STMP1: variants seen among roughly 807,000 people sequenced by gnomAD.
STMP1 encodes mitolamban.
Under a neutral mutation model 7.0 loss-of-function variants are expected in STMP1, and 7 were observed. The observed-to-expected ratio is 1.01, with a 90% CI of 0.57 to 1.89. STMP1 has a LOEUF of 1.89. STMP1 is among the 40% of genes most tolerant of loss of function. STMP1 has a pLI of 0.00. For synonymous variants in STMP1, 19 were observed against 18.4 expected, an observed-to-expected ratio of 1.03 and a Z score of -0.08; for missense variants, 45 against 53.0, an observed-to-expected ratio of 0.85 and a Z score of 0.47.
At chr7:135,671,350 G>GT (rs2129493323) in intron 1 of STMP1, among the ~76,000 whole-genome samples, 1 of 152,244 alleles carries the variant, frequency 6.6e-6, no homozygotes, top group South Asian at 2.1e-4. Context: ...TGAAGAGAAG[G>GT]TTCAGTCATG....
rs778423599 is a variant in STMP1, at chr7:135,662,572, C to G, written c.-8C>G. ...CTTCGCGCCCTCCTCGCCCTCCCCA[C>G]CGACATCATGCTCCAGTTCCTGGTG... On this transcript the variant is annotated 5_prime_UTR_variant, in exon 1 of 3. Coordinates refer to ENST00000507606, the MANE Select transcript of STMP1 (RefSeq NM_001130929.2). 3 of 1,548,488 alleles carry G rather than the reference C, an allele frequency of 1.9e-6. No homozygotes were observed. The highest frequency in any genetic ancestry group is 2.5e-5 in the East Asian group (1 of 40,342).
intron 1 of STMP1, among the ~76,000 whole-genome samples, chr7:135,663,531 G>A (rs1046424655): frequency 6.6e-6 from 1 of 151,986 alleles, no homozygotes; most frequent in Non-Finnish European, 1.5e-5. Context: ...TTTTAGTAGA[G>A]ACGGGTTTCA....
chr7:135,672,624 AGACTG>A, intron 1 of STMP1, 124 bp from the exon 2 acceptor site: 1 of 689,262 alleles, frequency 1.5e-6, no homozygotes, highest in South Asian at 1.8e-5. Flanking sequence ...ACACAGCCCT[AGACTG>A]GACATCAAGG....
intron 1 of STMP1, among the ~76,000 whole-genome samples, chr7:135,669,794 T>A (rs1325362655): frequency 2.0e-5 from 3 of 152,248 alleles, no homozygotes; most frequent in Admixed American, 6.5e-5. Flanking sequence ...AAAAAATGAT[T>A]ATTCACACTA....
At chr7:135,668,164 A>T (rs1356646757) in intron 1 of STMP1, among the ~76,000 whole-genome samples, 1 of 152,062 alleles carries the variant, frequency 6.6e-6, no homozygotes, top group Non-Finnish European at 1.5e-5. Context: ...TATTCCATTG[A>T]TCTTTATTGA....
At position 135,675,881 on chromosome 7, in the gene STMP1, A is replaced by G. The variant is rs1341046886; in HGVS notation, c.*1716A>G. On this transcript the variant is annotated 3_prime_UTR_variant, in exon 3 of 3. Coordinates refer to ENST00000507606, the MANE Select transcript of STMP1 (RefSeq NM_001130929.2). ...GTGTGTGACAGATTAGGATTAAATT[A>G]TGGTTTGACTTTTCCTAGCAGCGTG... The G allele has an allele frequency of 1.4e-5, 2 of 147,004 alleles. No homozygotes were observed. The highest frequency in any genetic ancestry group is 2.5e-5 in the African/African-American group (1 of 40,170). The allele number at this position is 147,004 out of a possible 1,614,324, so 9.1% of individuals were successfully genotyped here.
chr7:135,674,243 C>A lies in STMP1; in HGVS notation c.*78C>A. The A allele has an allele frequency of 8.7e-7, 1 of 1,150,166 alleles. No individual in the cohort carries two copies. The highest frequency in any genetic ancestry group is 1.2e-6 in the Non-Finnish European group (1 of 816,892). The allele number at this position is 1,150,166 out of a possible 1,614,324, so 71.2% of individuals were successfully genotyped here. A position where few individuals can be genotyped will look rare whatever the true frequency, so the allele number is the denominator to read the frequency against. On this transcript the variant is annotated 3_prime_UTR_variant, in exon 3 of 3. Transcript: ENST00000507606. ...CCTCGTTTACTATCTGAACCAAAAG[C>A]TTTTGTTTTCGTCTCCAGCCTCAGC...
intron 2 of STMP1, 122 bp downstream of exon 2, chr7:135,672,928 C>T (rs754980576): frequency 8.3e-5 from 63 of 759,050 alleles, no homozygotes; most frequent in Non-Finnish European, 1.4e-4. Context: ...GGCAAAACTC[C>T]TGAATATTGT....
intron 1 of STMP1, among the ~76,000 whole-genome samples, chr7:135,669,635 C>T (rs1354734195): frequency 6.6e-6 from 1 of 152,188 alleles, no homozygotes; most frequent in Non-Finnish European, 1.5e-5. Context: ...TAATAAGCTG[C>T]ATCATGTACC....
intron 1 of STMP1, among the ~76,000 whole-genome samples, chr7:135,670,422 G>C (rs116485845): frequency 0.012 from 1,773 of 152,224 alleles, 47 homozygotes; most frequent in African/African-American, 0.04. Flanking sequence ...ACTCATCCAA[G>C]ACCTCCTATA....
rs1203648145 is a variant in STMP1 at position 135,662,531 on chromosome 7, C to T, written c.-49C>T. On this transcript the variant is annotated 5_prime_UTR_variant, in exon 1 of 3. Coordinates refer to ENST00000507606, the MANE Select transcript of STMP1 (RefSeq NM_001130929.2). The stretch of plus-strand genomic sequence containing the variant: ...GGGGAGGTAGGCTCGGACCGGCCCG[C>T]GGAGCTGCTGCAGTCCTTCGCGCCC... The T allele has an allele frequency of 1.3e-6, 2 of 1,536,298 alleles. No homozygotes were observed. Among genetic ancestry groups the T allele is most frequent in the Non-Finnish European group, 8.8e-7 (1 of 1,140,722 alleles).
Sources: allele counts gnomAD v4.1 joint callset (sites outside exome capture counted in the v4.1 genomes callset), GRCh38; gene constraint gnomAD v4.1.1; transcripts MANE v1.5; gene names NCBI Gene and HGNC (gene_info 2026-07-23, HGNC 2026-07-21).